Variants in FRMPD4 observed in about 807,000 individuals in gnomAD.
FRMPD4 encodes FERM and PDZ domain-containing protein 4.
FRMPD4 carries 22 observed loss-of-function variants against 94.1 expected under a neutral mutation model. That is an observed-to-expected ratio of 0.23 (90% CI 0.17 to 0.33). FRMPD4 has a LOEUF of 0.33. FRMPD4 is among the 10% of genes least tolerant of loss of function. FRMPD4 has a pLI of 1.00. For synonymous variants in FRMPD4, 631 were observed against 548.6 expected (o/e 1.15, Z -2.10); for missense variants, 1,111 against 1,339.9 (o/e 0.83, Z 2.67).
intron 4 of FRMPD4, 131 bp from the exon 5 acceptor site, chrX:12,674,732 G>A: frequency 1.9e-6 from 1 of 522,979 alleles, no homozygotes. Context: ...GAGCTATTTG[G>A]TTTACTCTAT....
chrX:12,409,370 G>A (rs985663528), intron 1 of FRMPD4, among the ~76,000 whole-genome samples: 4 of 111,420 alleles, frequency 3.6e-5, no homozygotes, highest in African/African-American at 1.3e-4. Context: ...ATTTATTCTA[G>A]CTAAAAGGGT....
chrX:11,901,869 C>A (rs775910448), intron 3 of FRMPD4, among the ~76,000 whole-genome samples: 25 of 110,574 alleles, frequency 2.3e-4, no homozygotes, highest in Non-Finnish European at 3.4e-4. Context: ...AACATTTTTT[C>A]ATATGTTTGT....
intron 1 of FRMPD4, among the ~76,000 whole-genome samples, chrX:12,384,539 C>G (rs1203832925): frequency 9.0e-6 from 1 of 110,819 alleles, no homozygotes; most frequent in Non-Finnish European, 1.9e-5. Flanking sequence ...AAAAGACTTA[C>G]AATAATGGAA....
intron 3 of FRMPD4, among the ~76,000 whole-genome samples, chrX:11,896,850 A>G (rs1390532349): frequency 4.5e-5 from 5 of 111,382 alleles, no homozygotes; most frequent in East Asian, 5.6e-4. Flanking sequence ...AATCCCCTGG[A>G]CATCTGATTA....
chrX:12,311,752 T>C (rs746227883), intron 1 of FRMPD4, among the ~76,000 whole-genome samples: 1 of 111,999 alleles, frequency 8.9e-6, no homozygotes, highest in East Asian at 2.8e-4. Flanking sequence ...ACTTCCGTTG[T>C]TGCTGAGAAG....
At chrX:12,342,208 G>A (rs375761853) in intron 1 of FRMPD4, among the ~76,000 whole-genome samples, 3 of 111,954 alleles carry the variant, frequency 2.7e-5, no homozygotes, top group South Asian at 7.5e-4. Flanking sequence ...GTTGTCTCTA[G>A]GGTTCCATAA....
At chrX:12,244,555 A>T in intron 1 of FRMPD4, among the ~76,000 whole-genome samples, 1 of 112,136 alleles carries the variant, frequency 8.9e-6, no homozygotes, top group East Asian at 2.8e-4. Flanking sequence ...TGCTACACAT[A>T]TTGTTGCCAG....
intron 1 of FRMPD4, among the ~76,000 whole-genome samples, chrX:12,238,398 C>T (rs939285153): frequency 1.8e-5 from 2 of 111,703 alleles, no homozygotes. Flanking sequence ...ACCAGCCTCC[C>T]AAAGTGCTGG....
At chrX:12,074,808 A>T (rs1411575463) in intron 3 of FRMPD4, among the ~76,000 whole-genome samples, 1 of 112,713 alleles carries the variant, frequency 8.9e-6, no homozygotes, top group Non-Finnish European at 1.9e-5. Context: ...CATAAATAAG[A>T]TAATCTCTTT....
At chrX:12,486,340 C>A (rs898167130) in intron 1 of FRMPD4, among the ~76,000 whole-genome samples, 38 of 112,011 alleles carry the variant, frequency 3.4e-4, no homozygotes, top group Non-Finnish European at 6.4e-4. Context: ...GGAAACAGAA[C>A]CTGCATTTTA....
intron 2 of FRMPD4, among the ~76,000 whole-genome samples, chrX:12,582,435 C>T (rs2058876802): frequency 8.9e-6 from 1 of 111,880 alleles, no homozygotes; most frequent in Admixed American, 9.4e-5. Flanking sequence ...TCCATGATAT[C>T]GCCCTTGTCT....
intron 3 of FRMPD4, among the ~76,000 whole-genome samples, chrX:12,085,584 C>T (rs980228851): frequency 1.8e-5 from 2 of 111,569 alleles, no homozygotes; most frequent in Non-Finnish European, 3.8e-5. Flanking sequence ...ATTCTGGATG[C>T]TGGACATGTG....
intron 1 of FRMPD4, among the ~76,000 whole-genome samples, chrX:12,441,930 T>C (rs945352812): frequency 9.0e-6 from 1 of 111,591 alleles, no homozygotes; most frequent in Non-Finnish European, 1.9e-5. Flanking sequence ...TTAGTGACTT[T>C]AGCCACAAGA....
intron 3 of FRMPD4, among the ~76,000 whole-genome samples, chrX:11,892,780 T>G (rs2053882301): frequency 1.8e-5 from 2 of 112,186 alleles, no homozygotes; most frequent in Admixed American, 9.4e-5. Flanking sequence ...TATCCTGTGT[T>G]TCCTGAAGGA....
intron 2 of FRMPD4, among the ~76,000 whole-genome samples, chrX:12,503,579 T>C (rs2057947683): frequency 8.9e-6 from 1 of 112,124 alleles, no homozygotes; most frequent in Non-Finnish European, 1.9e-5. Context: ...ATGGTCAATG[T>C]AAAATGTGTT....
At chrX:12,621,483 C>T (rs929369237) in intron 4 of FRMPD4, among the ~76,000 whole-genome samples, 1 of 99,096 alleles carries the variant, frequency 1.0e-5, no homozygotes, top group Non-Finnish European at 2.0e-5. Context: ...ACACAGACCA[C>T]CAAGAAAAAC....
At chrX:12,132,317 G>A (rs2055559908) in intron 3 of FRMPD4, among the ~76,000 whole-genome samples, 1 of 111,408 alleles carries the variant, frequency 9.0e-6, no homozygotes. Context: ...TACCAGAGAT[G>A]GAAAAGACTG....
chrX:12,475,264 C>G (rs1356682029), intron 1 of FRMPD4, among the ~76,000 whole-genome samples: 1 of 111,929 alleles, frequency 8.9e-6, no homozygotes, highest in African/African-American at 3.2e-5. Context: ...ATTCGACAGC[C>G]CTTCGTGCTA....
At chrX:12,313,521 G>A (rs1055532470) in intron 1 of FRMPD4, among the ~76,000 whole-genome samples, 1 of 112,635 alleles carries the variant, frequency 8.9e-6, no homozygotes, top group Non-Finnish European at 1.9e-5. Context: ...CAAGGGGTTA[G>A]GACTTGCTCT....
Sources: gnomAD v4.1 joint callset for allele counts (sites outside exome capture counted in the v4.1 genomes callset) on GRCh38, gnomAD v4.1.1 for gene constraint, MANE v1.5 for transcripts, NCBI Gene and HGNC (gene_info 2026-07-23, HGNC 2026-07-21) for gene names.